Variants in GRK4 observed in about 807,000 individuals in gnomAD.
GRK4 encodes G protein-coupled receptor kinase 2-like.
GRK4 carries 73 observed loss-of-function variants against 77.9 expected under a neutral mutation model. That is an observed-to-expected ratio of 0.94 (90% CI 0.78 to 1.14). GRK4 has a LOEUF of 1.14. GRK4 is among the 50% of genes most tolerant of loss of function. The pLI is 0.00. For synonymous variants in GRK4, 257 were observed against 254.4 expected (o/e 1.01, Z -0.10); for missense variants, 729 against 700.2 (o/e 1.04, Z -0.46).
chr4:3,002,026 T>G (rs1289012081), intron 4 of GRK4, among the ~76,000 whole-genome samples: 3 of 152,188 alleles, frequency 2.0e-5, no homozygotes, highest in Non-Finnish European at 4.4e-5. Flanking sequence ...CCTGGGCACC[T>G]GGAACACTGT....
chr4:3,002,401 C>T (rs1202375745), intron 4 of GRK4, among the ~76,000 whole-genome samples: 2 of 152,018 alleles, frequency 1.3e-5, no homozygotes, highest in African/African-American at 4.8e-5. Flanking sequence ...CTCAGGAGTT[C>T]AAGACCAGCC....
intron 5 of GRK4, 97 bp from the exon 6 acceptor site, chr4:3,007,639 G>C (rs1419757566): frequency 3.1e-6 from 2 of 634,964 alleles, no homozygotes; most frequent in East Asian, 6.1e-5. Flanking sequence ...GTAATGATTG[G>C]CTTTCCCATA....
rs191367013 is a variant in GRK4 at position 3,013,896 on chromosome 4, C to T, written c.741+68C>T. ...ATAGCACTTTTGTCAGCCGACATGC[C>T]GCTCAGCTCACGCTCACTGAAGCCG... On this transcript the variant is annotated intron_variant, in intron 8 of 15. Transcript: ENST00000398052. 6 of 1,486,704 alleles carry T rather than the reference C, an allele frequency of 4.0e-6. No individual in the cohort carries two copies. In the East Asian group the frequency reaches 9.3e-5, roughly 23 times the overall value. 92.1% of individuals were successfully genotyped at this position (1,486,704 alleles called of 1,614,324 possible).
At chr4:2,969,877 A>G (rs2109392312) in intron 1 of GRK4, among the ~76,000 whole-genome samples, 1 of 151,196 alleles carries the variant, frequency 6.6e-6, no homozygotes, top group East Asian at 2.0e-4. Context: ...GGGTCTCACT[A>G]TGTTGCCCAG....
chr4:3,015,244 G>T (rs1261505842), intron 8 of GRK4, among the ~76,000 whole-genome samples: 1 of 152,156 alleles, frequency 6.6e-6, no homozygotes, highest in African/African-American at 2.4e-5. Context: ...CTGGTTGAAG[G>T]GAGAGTGTGA....
At position 3,035,412 on chromosome 4, in the gene GRK4, G is replaced by C; in HGVS notation, c.1296G>C (p.Arg432=). ...RMLLTKNPSK[R]LGCRGEGAAG... ...TACTCACCAAGAATCCAAGCAAGCG[G>C]CTGGGCTGCAGGGGCGAGGGAGCGG... Residue 432 remains arginine (R), a synonymous_variant, in exon 13 of 16, where the codon CGG becomes CGC. Coordinates refer to ENST00000398052, the MANE Select transcript of GRK4 (RefSeq NM_182982.3). 1.9e-6 allele frequency: 3 copies of C among 1,613,938 alleles called. No individual in the cohort carries two copies. In the Admixed American group the frequency reaches 5.0e-5, roughly 27 times the overall value.
At chr4:3,022,726 G>A (rs114933223) in intron 10 of GRK4, among the ~76,000 whole-genome samples, 4,314 of 151,880 alleles carry the variant, frequency 0.028, 77 homozygotes, top group Middle Eastern at 0.041. Flanking sequence ...TTGCTGTGTC[G>A]CCCAGGCTGG....
chr4:3,002,061 C>G (rs1729975922), intron 4 of GRK4, among the ~76,000 whole-genome samples: 1 of 152,098 alleles, frequency 6.6e-6, no homozygotes, highest in Non-Finnish European at 1.5e-5. Flanking sequence ...AGTGGCAGAG[C>G]CTCTTTGGAG....
At chr4:2,993,681 A>G (rs1389404216) in intron 4 of GRK4, among the ~76,000 whole-genome samples, 1 of 152,078 alleles carries the variant, frequency 6.6e-6, no homozygotes, top group Non-Finnish European at 1.5e-5. Context: ...TCAAAACAAA[A>G]CAAACAAAAA....
chr4:2,973,998 C>T (rs1420202342), intron 1 of GRK4, among the ~76,000 whole-genome samples: 1 of 152,068 alleles, frequency 6.6e-6, no homozygotes, highest in African/African-American at 2.4e-5. Flanking sequence ...ATTTCCTGAC[C>T]ACTACCCCTT....
chr4:2,964,082 G>C lies in GRK4; in HGVS notation c.12G>C (p.Glu4Asp). The change falls in exon 1 of 16, where the codon GAG becomes GAC. Residue 4 changes from glutamate (E) to aspartate (D), a missense_variant. By Grantham distance (45) the Glu-to-Asp change is conservative (BLOSUM62 2). Coordinates refer to ENST00000398052, the MANE Select transcript of GRK4 (RefSeq NM_182982.3). MEL[E>D]NIVANSLLLK... The stretch of plus-strand genomic sequence containing the variant: ...GGCGGCGCCAGGACATGGAGCTCGA[G>C]AACATCGTGGCCAACTCGCTGCTGC... The C allele has an allele frequency of 1.2e-6, 2 of 1,609,286 alleles. No homozygotes were observed. The highest frequency in any genetic ancestry group is 1.7e-6 in the Non-Finnish European group (2 of 1,179,116).
At chr4:3,001,089 A>ATATATATATATATATATGTG in intron 4 of GRK4, among the ~76,000 whole-genome samples, 9 of 82,426 alleles carry the variant, frequency 1.1e-4, no homozygotes, top group African/African-American at 5.2e-4. Flanking sequence ...ATATATATAT[A>ATATATATATATATATATGTG]TGTGTGTGTG....
Position 3,022,426 on chromosome 4 carries a change from T to G in GRK4, c.945T>G (p.Pro315=). The G allele has an allele frequency of 1.2e-6, 2 of 1,613,940 alleles. No homozygotes were observed. The highest frequency in any genetic ancestry group is 2.2e-5 in the South Asian group (2 of 90,994). The change falls in exon 10 of 16, where the codon CCT becomes CCG. Residue 315 remains proline (P), a synonymous_variant. Transcript: ENST00000398052. ...TTGTTTCTTGTAGAGACTTGAAGCC[T>G]GAGAATATTCTCCTTGATGATCGTG... ...RERIVYRDLK[P]ENILLDDRGH...
intron 4 of GRK4, among the ~76,000 whole-genome samples, chr4:3,001,089 ATGTGTGTGTG>A (rs1490130793): frequency 6.1e-5 from 5 of 82,394 alleles, no homozygotes; most frequent in African/African-American, 2.3e-4. Context: ...ATATATATAT[ATGTGTGTGTG>A]TGTGTGTATA....
intron 4 of GRK4, among the ~76,000 whole-genome samples, chr4:2,996,195 G>GGGGC (rs1293360354): frequency 6.6e-6 from 1 of 152,168 alleles, no homozygotes. Flanking sequence ...GACACAAAAG[G>GGGGC]GGGCAAACCT....
intron 1 of GRK4, among the ~76,000 whole-genome samples, chr4:2,979,709 G>T (rs542604701): frequency 6.6e-6 from 1 of 152,064 alleles, no homozygotes; most frequent in African/African-American, 2.4e-5. Flanking sequence ...GTGAAACTCC[G>T]TCCCCCTACC....
chr4:3,027,760 A>T (rs2110037285), intron 10 of GRK4, 152 bp from the exon 11 acceptor site: 1 of 587,940 alleles, frequency 1.7e-6, no homozygotes, highest in Admixed American at 3.3e-5. Context: ...AACATGAAAA[A>T]GTTAAATGCC....
intron 11 of GRK4, 34 bp downstream of exon 11, chr4:3,028,035 C>G: frequency 6.3e-7 from 1 of 1,590,642 alleles, no homozygotes; most frequent in Non-Finnish European, 8.6e-7. Flanking sequence ...CTTGTCCTTT[C>G]TATCCGGGTG....
Position 2,963,940 on chromosome 4 carries a change from G to T in GRK4, c.-131G>T. On this transcript the variant is annotated 5_prime_UTR_variant, in exon 1 of 16. Transcript: ENST00000398052. Reference sequence around the variant, plus strand: ...TGGTGGCGGCGGAGCAGCCTCCCGGGATCGTGTCCGGAGCTCGAGGAGAGG... The same window carrying T: ...TGGTGGCGGCGGAGCAGCCTCCCGGTATCGTGTCCGGAGCTCGAGGAGAGG... 1 of 839,568 alleles carries T rather than the reference G, an allele frequency of 1.2e-6. No individual in the cohort carries two copies. Among genetic ancestry groups the T allele is most frequent in the Non-Finnish European group, 1.9e-6 (1 of 512,828 alleles). 52.0% of individuals were successfully genotyped at this position (839,568 alleles called of 1,614,324 possible). A position where few individuals can be genotyped will look rare whatever the true frequency, so the allele number is the denominator to read the frequency against.
Sources: allele counts gnomAD v4.1 joint callset (sites outside exome capture counted in the v4.1 genomes callset), GRCh38; gene constraint gnomAD v4.1.1; transcripts MANE v1.5; gene names NCBI Gene and HGNC (gene_info 2026-07-23, HGNC 2026-07-21).